Variants in ADAM11 observed in about 807,000 individuals in gnomAD.
The protein encoded by ADAM11 is disintegrin and metalloproteinase domain-containing protein 11.
In ADAM11, 49 loss-of-function variants were observed where a neutral mutation model predicts 119.1. That is an observed-to-expected ratio of 0.41 (90% CI 0.33 to 0.52). The LOEUF is 0.52. Among genes scored for constraint, ADAM11 ranks in the 20% least tolerant of loss-of-function variants. The probability of loss-of-function intolerance (pLI) is 0.20; values close to 1 mark genes in which losing one functional copy is unlikely to be tolerated. For missense variants in ADAM11, 777 were observed against 1,047.5 expected, an observed-to-expected ratio of 0.74 and a Z score of 3.56; for synonymous variants, 364 against 408.0, an observed-to-expected ratio of 0.89 and a Z score of 1.30.
rs1567691833 is a variant in ADAM11 at position 44,772,353 on chromosome 17, G to GT, written c.610+21dup. 1 of 1,584,674 alleles carries GT rather than the reference G, an allele frequency of 6.3e-7. No homozygotes were observed. The highest frequency in any genetic ancestry group is 1.3e-5 in the African/African-American group (1 of 74,534). ...AACCAGGTAAGGGAGGGAAGGGGGG[G>GT]TGGGGAGGGGCCGGCTGTGCCCCCC... On this transcript the variant is annotated intron_variant, in intron 7 of 26. Transcript: ENST00000200557. This position sits in a 1 kb window ranked among gnomAD's most constrained non-coding sequence, Gnocchi z 4.5.
In ADAM11 at chr17:44,772,185, C is replaced by A; in HGVS notation, c.544-82C>A. The A allele has an allele frequency of 7.5e-7, 1 of 1,335,842 alleles. No individual in the cohort carries two copies. Among genetic ancestry groups the A allele is most frequent in the Non-Finnish European group, 1.0e-6 (1 of 958,416 alleles). 82.7% of individuals were successfully genotyped at this position (1,335,842 alleles called of 1,614,324 possible). On this transcript the variant is annotated intron_variant, in intron 6 of 26. Coordinates refer to ENST00000200557, the MANE Select transcript of ADAM11 (RefSeq NM_002390.6). This position sits in a 1 kb window ranked among gnomAD's most constrained non-coding sequence, Gnocchi z 4.5. The stretch of plus-strand genomic sequence containing the variant: ...GGGTCACCCCAGGGTGGGGTGGAGG[C>A]GAGGGCTGGATCTGGCCCCCGCCAA...
In ADAM11 at chr17:44,777,454, G is replaced by A. The variant is rs140785007; in HGVS notation, c.1782-28G>A. 23 of 1,610,968 alleles carry A rather than the reference G, an allele frequency of 1.4e-5. 1 individual carries two copies. In the African/African-American group the frequency reaches 2.1e-4, roughly 15 times the overall value. ...TAGTTGAGTCTGAGGTCAAACTTGG[G>A]GCTCACTGTCTCTATATGCCCCAAC... On this transcript the variant is annotated intron_variant, in intron 21 of 26. Coordinates refer to ENST00000200557, the MANE Select transcript of ADAM11 (RefSeq NM_002390.6). The surrounding 1 kb of genome is among the most constrained non-coding windows in gnomAD (Gnocchi z 5.1).
rs1177001951 is a variant in ADAM11 at position 44,777,120 on chromosome 17, G to A, written c.1682-46G>A. The A allele has an allele frequency of 6.4e-7, 1 of 1,562,480 alleles. No homozygotes were observed. Among genetic ancestry groups the A allele is most frequent in the African/African-American group, 1.3e-5 (1 of 74,092 alleles). On this transcript the variant is annotated intron_variant, in intron 20 of 26. Coordinates refer to ENST00000200557, the MANE Select transcript of ADAM11 (RefSeq NM_002390.6). This position sits in a 1 kb window ranked among gnomAD's most constrained non-coding sequence, Gnocchi z 5.1. ...GGAGATGCAGGCCTGAGGTCTTGGG[G>A]TGGGTCCTGGGGCGCGTGGGGTCAC...
rs1405306346 is a variant in ADAM11, at chr17:44,776,202, A to G, written c.1561A>G (p.Ser521Gly). 6.2e-7 allele frequency: 1 copy of G among 1,613,268 alleles called. No homozygotes were observed. Among genetic ancestry groups the G allele is most frequent in the Admixed American group, 1.7e-5 (1 of 59,986 alleles). Residue 521 changes from serine (S) to glycine (G), a missense_variant, in exon 18 of 27, where the codon AGC becomes GGC. By Grantham distance (56) the Ser-to-Gly change is moderately conservative (BLOSUM62 0). This residue lies in a region of ADAM11 where 348 missense variants were observed against 486.7 expected (regional missense o/e 0.72). Transcript: ENST00000200557. This position sits in a 1 kb window ranked among gnomAD's most constrained non-coding sequence, Gnocchi z 5.2. Reference protein sequence around the residue: ...DIAETCTGDSSQCPPNLHKLD... With the variant: ...DIAETCTGDSGQCPPNLHKLD... ...CGCGGAGACCTGCACCGGGGACTCT[A>G]GCCAGGTCCGCCCGGCCCCGCCGTC...
chr17:44,762,747 T>A (rs1171267712), intron 2 of ADAM11, among the ~76,000 whole-genome samples: 1 of 151,116 alleles, frequency 6.6e-6, no homozygotes, highest in African/African-American at 2.4e-5. Context: ...TACCAGGAGG[T>A]GGTGATGGGA....
rs758883162 is a variant in ADAM11 at position 44,778,159 on chromosome 17, C to A, written c.2193C>A (p.Ser731Arg). 1 of 1,613,580 alleles carries A rather than the reference C, an allele frequency of 6.2e-7. No individual in the cohort carries two copies. The highest frequency in any genetic ancestry group is 8.5e-7 in the Non-Finnish European group (1 of 1,179,750). ...CCCTGCCATCCTCCCCAGGTCCCAG[C>A]GGCACCAACATCATCATTGGCTCCA... ...TGETERYKGP[S>R]GTNIIIGSIA... The change falls in exon 25 of 27, where the codon AGC becomes AGA. Residue 731 changes from serine (S) to arginine (R), a missense_variant. By Grantham distance (110) the Ser-to-Arg change is moderately radical. Around this residue, in one of 4 missense-constraint regions of ADAM11, gnomAD observed 348 missense variants for 486.7 expected, o/e 0.72. Coordinates refer to ENST00000200557, the MANE Select transcript of ADAM11 (RefSeq NM_002390.6).
Position 44,774,364 on chromosome 17 carries a change from CG to C in ADAM11, c.1067del (p.Gly356ValfsTer2). Reference protein sequence around the residue: ...VGGICSLSHGGGVNEYGNMGA... With the variant: ...VGGICSLSHGXGVNEYGNMGA... ...GGGGCATATGCTCCCTGTCCCACGG[CG>C]GGGGTGTGAACGAGGTGAGCAGTGG... On this transcript the variant is annotated frameshift_variant, in exon 12 of 27. Transcript: ENST00000200557. LOFTEE classifies it high-confidence loss of function. The C allele has an allele frequency of 1.4e-6, 2 of 1,481,098 alleles. No homozygotes were observed. The highest frequency in any genetic ancestry group is 1.8e-6 in the Non-Finnish European group (2 of 1,108,738). The allele number at this position is 1,481,098 out of a possible 1,614,324, so 91.7% of individuals were successfully genotyped here. A position where few individuals can be genotyped will look rare whatever the true frequency, so the allele number is the denominator to read the frequency against.
intron 25 of ADAM11, 135 bp downstream of exon 25, chr17:44,778,377 C>A: frequency 1.1e-6 from 1 of 872,568 alleles, no homozygotes; most frequent in Non-Finnish European, 1.7e-6. Flanking sequence ...AAGTAGCCTG[C>A]AGGGCTTAAC....
Position 44,759,923 on chromosome 17 carries a change from A to G in ADAM11, c.237+26A>G, listed in dbSNP as rs2049369267. 4.7e-6 allele frequency: 6 copies of G among 1,265,896 alleles called. No individual in the cohort carries two copies. The South Asian group carries it at 1.8e-4, about 38-fold the overall frequency. The allele number at this position is 1,265,896 out of a possible 1,614,324, so 78.4% of individuals were successfully genotyped here. ...GTGAGTGGGGCTGGGTGGTGAGGCC[A>G]GGGGCTGAAGCAGGCCTCAGAGCCC... On this transcript the variant is annotated intron_variant, in intron 2 of 26. Transcript: ENST00000200557.
intron 2 of ADAM11, among the ~76,000 whole-genome samples, chr17:44,761,246 A>G (rs1000181008): frequency 3.9e-5 from 6 of 152,146 alleles, no homozygotes; most frequent in African/African-American, 1.2e-4. Flanking sequence ...AGGGATGTGC[A>G]GATTGAGTCA....
chr17:44,764,832 A>G (rs2049428181), intron 2 of ADAM11, among the ~76,000 whole-genome samples: 1 of 152,122 alleles, frequency 6.6e-6, no homozygotes, highest in Admixed American at 6.5e-5. Context: ...GCCGATGGTC[A>G]ACATCTCTGA....
At chr17:44,779,105 G>T in intron 25 of ADAM11, 117 bp from the exon 26 acceptor site, 1 of 1,368,148 alleles carries the variant, frequency 7.3e-7, no homozygotes, top group South Asian at 1.3e-5. Context: ...AGGCCCCGGG[G>T]ACCCCGGCCC....
chr17:44,778,593 G>C (rs2049639665), intron 25 of ADAM11, among the ~76,000 whole-genome samples: 1 of 150,398 alleles, frequency 6.6e-6, no homozygotes. Context: ...TTGCGAGGCT[G>C]AGGCAGAGAA....
Position 44,771,759 on chromosome 17 carries a change from G to C in ADAM11, c.471G>C (p.Gly157=), listed in dbSNP as rs767836498. Residue 157 remains glycine, a synonymous_variant, in exon 6 of 27, where the codon GGG becomes GGC. Transcript: ENST00000200557. The part of the protein sequence containing the change: ...AALSTCQGLH[G]VFSDGNLTYI... The stretch of plus-strand genomic sequence containing the variant: ...AGCTGCGCCTCTCTCTCCACAGTGG[G>C]GTCTTCTCTGATGGGAACTTGACTT... The C allele has an allele frequency of 2.5e-6, 4 of 1,613,684 alleles. No homozygotes were observed. The East Asian group carries it at 6.7e-5, about 27-fold the overall frequency.
rs1470185372 is a variant in ADAM11 at position 44,776,200 on chromosome 17, C to G, written c.1559C>G (p.Ser520Cys). The change falls in exon 18 of 27, where the codon TCT becomes TGT. Residue 520 changes from serine (S) to cysteine (C), a missense_variant. By Grantham distance (112) the Ser-to-Cys change is moderately radical. Transcript: ENST00000200557. This position sits in a 1 kb window ranked among gnomAD's most constrained non-coding sequence, Gnocchi z 5.2. ...CDIAETCTGDSSQCPPNLHKL... is the reference protein window; with the variant it reads ...CDIAETCTGDCSQCPPNLHKL... ...ATCGCGGAGACCTGCACCGGGGACT[C>G]TAGCCAGGTCCGCCCGGCCCCGCCG... 1 of 1,613,240 alleles carries G rather than the reference C, an allele frequency of 6.2e-7. No individual in the cohort carries two copies. Among genetic ancestry groups the G allele is most frequent in the African/African-American group, 1.3e-5 (1 of 74,886 alleles).
rs961669027 is a variant in ADAM11, at chr17:44,775,721, C to T, written c.1485+45C>T. ...AGGCGGGGCCAGGACGCAGGAGGAG[C>T]GATTGGAGGCCTTCATATAAGGGGT... On this transcript the variant is annotated intron_variant, in intron 17 of 26. Transcript: ENST00000200557. The surrounding 1 kb of genome is among the most constrained non-coding windows in gnomAD (Gnocchi z 7.5). 2 of 1,527,008 alleles carry T rather than the reference C, an allele frequency of 1.3e-6. No homozygotes were observed. The highest frequency in any genetic ancestry group is 1.8e-6 in the Non-Finnish European group (2 of 1,136,952). The allele number at this position is 1,527,008 out of a possible 1,614,324, so 94.6% of individuals were successfully genotyped here.
intron 2 of ADAM11, among the ~76,000 whole-genome samples, chr17:44,761,183 CTG>C (rs141028048): frequency 0.39 from 59,417 of 151,768 alleles, 13,803 homozygotes; most frequent in East Asian, 0.72. Context: ...CGTGGTTACA[CTG>C]TGGGGGAACT....
At chr17:44,767,180 C>G (rs994965113) in intron 2 of ADAM11, among the ~76,000 whole-genome samples, 1 of 151,752 alleles carries the variant, frequency 6.6e-6, no homozygotes, top group Admixed American at 6.6e-5. Context: ...ATGGTGAAAC[C>G]CTGTCTCTAC....
Position 44,772,766 on chromosome 17 carries a change from C to T in ADAM11, c.679-91C>T, listed in dbSNP as rs1373166005. The T allele has an allele frequency of 7.7e-6, 9 of 1,174,844 alleles. No individual in the cohort carries two copies. The highest frequency in any genetic ancestry group is 7.2e-5 in the East Asian group (3 of 41,768). The allele number at this position is 1,174,844 out of a possible 1,614,324, so 72.8% of individuals were successfully genotyped here. A position where few individuals can be genotyped will look rare whatever the true frequency, so the allele number is the denominator to read the frequency against. On this transcript the variant is annotated intron_variant, in intron 8 of 26. Coordinates refer to ENST00000200557, the MANE Select transcript of ADAM11 (RefSeq NM_002390.6). The surrounding 1 kb of genome is among the most constrained non-coding windows in gnomAD (Gnocchi z 4.5). Reference sequence around the variant, plus strand: ...CACTGTCCCTGGCTGGAGTCCAGACCCCCCCATCCCCACCGAGTCTGTTCC... The same window carrying T: ...CACTGTCCCTGGCTGGAGTCCAGACTCCCCCATCCCCACCGAGTCTGTTCC...
Sources: allele counts gnomAD v4.1 joint callset (sites outside exome capture counted in the v4.1 genomes callset), GRCh38; gene constraint gnomAD v4.1.1; regional missense constraint gnomAD v4.1.1; non-coding constraint Gnocchi (gnomAD v3.1); transcripts MANE v1.5; gene names NCBI Gene and HGNC (gene_info 2026-07-23, HGNC 2026-07-21).